SPON1: variants seen among roughly 807,000 people sequenced by gnomAD.
SPON1 encodes spondin 1, also known as spondin-1.
In SPON1, 52 loss-of-function variants were observed where a neutral mutation model predicts 111.7. The observed-to-expected ratio is 0.47, with a 90% CI of 0.37 to 0.59. SPON1 has a LOEUF of 0.59. Among genes scored for constraint, SPON1 ranks in the 20% least tolerant of loss-of-function variants. The pLI is 0.00. For synonymous variants in SPON1, 410 were observed against 395.8 expected (o/e 1.04, Z -0.43); for missense variants, 957 against 1,068.5 (o/e 0.90, Z 1.46).
intron 6 of SPON1, among the ~76,000 whole-genome samples, chr11:14,224,121 C>T (rs879987941): frequency 2.6e-5 from 4 of 152,170 alleles, no homozygotes; most frequent in Non-Finnish European, 5.9e-5. Flanking sequence ...TAATACCTCC[C>T]TTGTGCCAAA....
chr11:14,264,347 T>TACAA (rs1453481953), intron 15 of SPON1, among the ~76,000 whole-genome samples: 1 of 152,202 alleles, frequency 6.6e-6, no homozygotes, highest in East Asian at 1.9e-4. Flanking sequence ...TAGGTTTTAT[T>TACAA]TGTAACCCAA....
chr11:14,041,890 AC>A (rs1357691203), intron 3 of SPON1, among the ~76,000 whole-genome samples: 2 of 152,134 alleles, frequency 1.3e-5, no homozygotes, highest in Non-Finnish European at 2.9e-5. Flanking sequence ...ACCCTGTCCT[AC>A]CAGAGATAAT....
At chr11:14,162,059 G>A (rs1847971820) in intron 6 of SPON1, among the ~76,000 whole-genome samples, 1 of 151,396 alleles carries the variant, frequency 6.6e-6, no homozygotes, top group African/African-American at 2.4e-5. Flanking sequence ...TCGGGAGGCT[G>A]AGGCATGAGA....
intron 6 of SPON1, among the ~76,000 whole-genome samples, chr11:14,172,919 C>T (rs1848124610): frequency 6.6e-6 from 1 of 151,888 alleles, no homozygotes; most frequent in Non-Finnish European, 1.5e-5. Flanking sequence ...TCTGGCTGCC[C>T]TTAACATTTT....
chr11:14,029,456 A>G (rs1268478997), intron 2 of SPON1, among the ~76,000 whole-genome samples: 1 of 152,228 alleles, frequency 6.6e-6, no homozygotes, highest in African/African-American at 2.4e-5. Context: ...ATGATCAGGA[A>G]AAGATTAGGC....
chr11:13,986,784 A>G (rs1302487210), intron 2 of SPON1, among the ~76,000 whole-genome samples: 1 of 151,270 alleles, frequency 6.6e-6, no homozygotes, highest in Admixed American at 6.6e-5. Context: ...TCATTGTTCA[A>G]CTCCCACTTA....
intron 4 of SPON1, among the ~76,000 whole-genome samples, chr11:14,077,180 A>G (rs1386755031): frequency 8.5e-5 from 13 of 152,210 alleles, no homozygotes; most frequent in Admixed American, 8.5e-4. Context: ...ATGGCAGTAC[A>G]TGAGGGTGTC....
chr11:14,194,219 G>C (rs1400389527), intron 6 of SPON1, among the ~76,000 whole-genome samples: 2 of 152,020 alleles, frequency 1.3e-5, no homozygotes, highest in African/African-American at 4.8e-5. Flanking sequence ...TCTTCCCATT[G>C]GTGTGCGAGA....
chr11:13,976,911 CT>C (rs1417583463), intron 1 of SPON1, among the ~76,000 whole-genome samples: 4 of 152,114 alleles, frequency 2.6e-5, no homozygotes, highest in African/African-American at 9.7e-5. Flanking sequence ...ATTACTTTGC[CT>C]GTTTTTGAGC....
intron 2 of SPON1, among the ~76,000 whole-genome samples, chr11:14,012,546 A>G (rs1207383953): frequency 6.6e-6 from 1 of 152,158 alleles, no homozygotes; most frequent in African/African-American, 2.4e-5. Flanking sequence ...TAAATGCATC[A>G]TCACATACTG....
intron 6 of SPON1, among the ~76,000 whole-genome samples, chr11:14,205,023 C>A (rs7949933): frequency 0.34 from 51,191 of 152,006 alleles, 8,971 homozygotes; most frequent in Admixed American, 0.43. Flanking sequence ...TCCTCTTAGA[C>A]GTTCCCCAGC....
intron 5 of SPON1, among the ~76,000 whole-genome samples, chr11:14,127,162 CT>C (rs1350685372): frequency 3.9e-5 from 6 of 152,108 alleles, no homozygotes; most frequent in African/African-American, 1.2e-4. Flanking sequence ...GGACTTCAGC[CT>C]TGGAACAACA....
intron 1 of SPON1, among the ~76,000 whole-genome samples, chr11:13,975,917 A>G (rs1044429697): frequency 6.6e-6 from 1 of 152,138 alleles, no homozygotes; most frequent in Non-Finnish European, 1.5e-5. Flanking sequence ...TTCATCCCCA[A>G]TATCACCATC....
chr11:14,264,718 T>G (rs1458284046), intron 15 of SPON1, among the ~76,000 whole-genome samples: 6 of 152,172 alleles, frequency 3.9e-5, no homozygotes, highest in Non-Finnish European at 8.8e-5. Flanking sequence ...AAATATCTCA[T>G]GTGTAACCAT....
At position 14,041,385 on chromosome 11, in the gene SPON1, C is replaced by T. The variant is rs542148585; in HGVS notation, c.346-136C>T. On this transcript the variant is annotated intron_variant, in intron 2 of 15. Coordinates refer to ENST00000576479, the MANE Select transcript of SPON1 (RefSeq NM_006108.4). The stretch of plus-strand genomic sequence containing the variant: ...CTGGGACTTTATGCCAAGCACTATT[C>T]TGGTGCCTGGGGATACAGAGTTGCT... 8.8e-6 allele frequency: 9 copies of T among 1,025,872 alleles called. No homozygotes were observed. The African/African-American group carries it at 1.4e-4, about 16-fold the overall frequency. 63.5% of individuals were successfully genotyped at this position (1,025,872 alleles called of 1,614,324 possible).
At chr11:14,049,529 C>T (rs1474845939) in intron 3 of SPON1, among the ~76,000 whole-genome samples, 1 of 152,202 alleles carries the variant, frequency 6.6e-6, no homozygotes, top group Non-Finnish European at 1.5e-5. Context: ...AGGTTCCTCA[C>T]CAGCCTTCCA....
chr11:14,072,193 TTAAGTGCCTCCTTA>T (rs1554920991), intron 3 of SPON1, among the ~76,000 whole-genome samples: 48 of 152,230 alleles, frequency 3.2e-4, no homozygotes, highest in African/African-American at 9.9e-4. Flanking sequence ...ATAATGTATA[TTAAGTGCCTCCTTA>T]GTGCAGACTA....
At chr11:14,237,772 A>G (rs1848883889) in intron 6 of SPON1, among the ~76,000 whole-genome samples, 1 of 152,252 alleles carries the variant, frequency 6.6e-6, no homozygotes, top group Admixed American at 6.5e-5. Flanking sequence ...GAACAGCAGT[A>G]ACTTTCAGTG....
chr11:14,098,796 T>C (rs1849122244), intron 5 of SPON1, among the ~76,000 whole-genome samples: 1 of 152,198 alleles, frequency 6.6e-6, no homozygotes, highest in African/African-American at 2.4e-5. Context: ...ATGAAATGCA[T>C]CTGGCTTTGA....
Sources: gnomAD v4.1 joint callset for allele counts (sites outside exome capture counted in the v4.1 genomes callset) on GRCh38, gnomAD v4.1.1 for gene constraint, MANE v1.5 for transcripts, NCBI Gene and HGNC (gene_info 2026-07-23, HGNC 2026-07-21) for gene names.